CCSER1: variants seen among roughly 807,000 people sequenced by gnomAD.
CCSER1 encodes the protein serine-rich coiled-coil domain-containing protein 1.
CCSER1 carries 41 observed loss-of-function variants against 82.0 expected under a neutral mutation model. The ratio of observed to expected loss-of-function variants is 0.50; its 90% CI spans 0.39 to 0.65. The LOEUF (loss-of-function observed/expected upper bound fraction) is 0.65. Ranked by LOEUF, CCSER1 falls within the 30% of genes least tolerant of loss-of-function variation. The pLI is 0.00. For missense variants in CCSER1, 1,119 were observed against 1,064.2 expected, an observed-to-expected ratio of 1.05 and a Z score of -0.72; for synonymous variants, 414 against 383.9, an observed-to-expected ratio of 1.08 and a Z score of -0.92.
At chr4:90,510,782 T>C (rs1329271409) in intron 5 of CCSER1, among the ~76,000 whole-genome samples, 1 of 152,198 alleles carries the variant, frequency 6.6e-6, no homozygotes, top group African/African-American at 2.4e-5. Context: ...AGAGAGATCA[T>C]AGAGCAAAGG....
chr4:91,071,486 T>C (rs190162012), intron 9 of CCSER1, among the ~76,000 whole-genome samples: 4 of 152,220 alleles, frequency 2.6e-5, no homozygotes, highest in Middle Eastern at 3.4e-3. Context: ...AGGCCTATGG[T>C]GGAAGAATGC....
chr4:90,704,331 G>C (rs575244301), intron 6 of CCSER1, among the ~76,000 whole-genome samples: 2 of 152,168 alleles, frequency 1.3e-5, no homozygotes, highest in African/African-American at 2.4e-5. Flanking sequence ...TAGAGTTTCT[G>C]CCGAGATATC....
intron 10 of CCSER1, among the ~76,000 whole-genome samples, chr4:91,097,075 G>T (rs572295280): frequency 6.6e-6 from 1 of 152,080 alleles, no homozygotes; most frequent in Admixed American, 6.5e-5. Context: ...GTGTCCAGCC[G>T]GTGCCTGTGT....
chr4:91,471,973 A>C (rs1159267533), intron 10 of CCSER1, among the ~76,000 whole-genome samples: 1 of 119,164 alleles, frequency 8.4e-6, no homozygotes, highest in Non-Finnish European at 1.9e-5. Flanking sequence ...CCATCTCAAA[A>C]AAAAAAAAAA....
chr4:91,183,064 A>C (rs1664287267), intron 10 of CCSER1, among the ~76,000 whole-genome samples: 1 of 152,236 alleles, frequency 6.6e-6, no homozygotes, highest in African/African-American at 2.4e-5. Context: ...CTTTAGTCAA[A>C]GGTCCTGGAA....
At chr4:91,594,070 G>A (rs1764402626) in intron 10 of CCSER1, among the ~76,000 whole-genome samples, 1 of 151,946 alleles carries the variant, frequency 6.6e-6, no homozygotes, top group African/African-American at 2.4e-5. Flanking sequence ...TAGGTAATAA[G>A]CTAGCTGCAT....
chr4:91,226,671 T>A (rs1738229613), intron 10 of CCSER1, among the ~76,000 whole-genome samples: 2 of 151,922 alleles, frequency 1.3e-5, no homozygotes, highest in Admixed American at 1.3e-4. Context: ...ATTTCAGCAC[T>A]TACGTATTAT....
rs147659484 is a variant in CCSER1, at chr4:91,206,816, A to G, written c.2217+120822A>G. On this transcript the variant is annotated intron_variant, in intron 10 of 10. Transcript: ENST00000509176. ...GAGAAGTACCTCTACTTTACTCTGC[A>G]TATACCTTGAGAGATTGCTGAATTA... is the stretch of plus-strand genomic sequence containing the variant. 6.8e-3 allele frequency among the ~76,000 whole-genome samples: 1,030 copies of G among 151,982 alleles called. 9 individuals carry two copies. Among genetic ancestry groups the G allele is most frequent in the African/African-American group, 0.024 (984 of 41,534 alleles).
chr4:91,523,735 TTTATTGC>T (rs1322033031), intron 10 of CCSER1, among the ~76,000 whole-genome samples: 1 of 152,180 alleles, frequency 6.6e-6, no homozygotes, highest in Non-Finnish European at 1.5e-5. Context: ...CTTTATTATT[TTTATTGC>T]GTCCATTTGA....
At chr4:90,278,924 G>A (rs914887143) in intron 1 of CCSER1, among the ~76,000 whole-genome samples, 1 of 152,036 alleles carries the variant, frequency 6.6e-6, no homozygotes, top group African/African-American at 2.4e-5. Flanking sequence ...TGTCTAATCA[G>A]GGCATATTTA....
chr4:90,672,045 G>A (rs759741703), intron 6 of CCSER1, among the ~76,000 whole-genome samples: 3 of 152,032 alleles, frequency 2.0e-5, no homozygotes, highest in African/African-American at 7.2e-5. Flanking sequence ...AAACAGATAT[G>A]TTGTTATCCA....
At chr4:90,934,856 G>A (rs1053628682) in intron 9 of CCSER1, among the ~76,000 whole-genome samples, 4 of 152,148 alleles carry the variant, frequency 2.6e-5, no homozygotes, top group South Asian at 2.1e-4. Context: ...GCTTGAACCC[G>A]GGAGGCAGAG....
intron 10 of CCSER1, among the ~76,000 whole-genome samples, chr4:91,588,315 C>T (rs142888971): frequency 6.6e-6 from 1 of 151,532 alleles, no homozygotes; most frequent in East Asian, 1.9e-4. Flanking sequence ...CTCATAAACT[C>T]ATCCTAAGTA....
chr4:91,465,337 C>G (rs1467578952), intron 10 of CCSER1, among the ~76,000 whole-genome samples: 1 of 152,174 alleles, frequency 6.6e-6, no homozygotes, highest in Non-Finnish European at 1.5e-5. Context: ...ATCAGAATCT[C>G]TGGGACACAT....
At chr4:90,690,349 A>G (rs1384131926) in intron 6 of CCSER1, among the ~76,000 whole-genome samples, 4 of 152,192 alleles carry the variant, frequency 2.6e-5, no homozygotes, top group Admixed American at 1.3e-4. Flanking sequence ...ACTAAGTATT[A>G]AAAGTGTATG....
chr4:90,749,699 C>T (rs563890631), intron 7 of CCSER1, among the ~76,000 whole-genome samples: 8 of 152,056 alleles, frequency 5.3e-5, no homozygotes, highest in Non-Finnish European at 7.4e-5. Context: ...CATTGTTGGA[C>T]ATTTGGGTTG....
At chr4:90,610,081 G>A (rs558315057) in intron 5 of CCSER1, among the ~76,000 whole-genome samples, 2 of 151,948 alleles carry the variant, frequency 1.3e-5, no homozygotes, top group East Asian at 1.9e-4. Flanking sequence ...GTGAAACCCC[G>A]TCTCCACTAA....
chr4:91,236,639 A>T (rs924522894), intron 10 of CCSER1, among the ~76,000 whole-genome samples: 4 of 152,200 alleles, frequency 2.6e-5, no homozygotes, highest in African/African-American at 4.8e-5. Context: ...TATTTGTATG[A>T]TCAATGCATA....
intron 10 of CCSER1, among the ~76,000 whole-genome samples, chr4:91,585,050 G>T (rs558897797): frequency 6.6e-6 from 1 of 151,400 alleles, no homozygotes; most frequent in Admixed American, 6.6e-5. Flanking sequence ...ACCTTCATTT[G>T]ATTTAAAATT....
Sources: gnomAD v4.1 joint callset for allele counts (sites outside exome capture counted in the v4.1 genomes callset) on GRCh38, gnomAD v4.1.1 for gene constraint, MANE v1.5 for transcripts, NCBI Gene and HGNC (gene_info 2026-07-23, HGNC 2026-07-21) for gene names.